EML2: variants seen among roughly 807,000 people sequenced by gnomAD.
EML2 encodes the protein EMAP like 2.
In EML2, 59 loss-of-function variants were observed where a neutral mutation model predicts 84.7. That is an observed-to-expected ratio of 0.70 (90% CI 0.56 to 0.86). The LOEUF is 0.86. Among genes scored for constraint, EML2 ranks in the 40% least tolerant of loss-of-function variants. The pLI is 0.00. For synonymous variants in EML2, 352 were observed against 348.9 expected (o/e 1.01, Z -0.10); for missense variants, 818 against 855.6 (o/e 0.96, Z 0.55).
intron 7 of EML2, among the ~76,000 whole-genome samples, chr19:45,629,742 G>A (rs1972803177): frequency 1.3e-5 from 2 of 151,692 alleles, no homozygotes; most frequent in African/African-American, 4.8e-5. Flanking sequence ...TTACAGGTGT[G>A]AGCCACCTTG....
At chr19:45,645,580 GCGCCCGGA>G (rs2122867172), upstream of EML2, 12 of 823,500 alleles carry the variant, frequency 1.5e-5, no homozygotes, top group Middle Eastern at 3.7e-4. Context: ...AGGATTGGCT[GCGCCCGGA>G]TCCCCCTAGG....
chr19:45,639,187 C>T, intron 1 of EML2, 170 bp downstream of exon 1: 2 of 776,300 alleles, frequency 2.6e-6, no homozygotes, highest in South Asian at 4.5e-5. Flanking sequence ...CGCCCCCCAC[C>T]CGCAGTTCCC....
At chr19:45,624,433 T>C (rs1473012724) in intron 9 of EML2, among the ~76,000 whole-genome samples, 1 of 152,108 alleles carries the variant, frequency 6.6e-6, no homozygotes, top group Non-Finnish European at 1.5e-5. Flanking sequence ...CCGTCCTTCC[T>C]TCCATCCACC....
chr19:45,643,942 G>A (rs1974831448), upstream of EML2, among the ~76,000 whole-genome samples: 1 of 152,212 alleles, frequency 6.6e-6, no homozygotes, highest in South Asian at 2.1e-4. Flanking sequence ...TTTGCAGACG[G>A]GAAACTAAGG....
At chr19:45,626,915 GC>G in intron 7 of EML2, 76 bp from the exon 8 acceptor site, 1 of 1,409,724 alleles carries the variant, frequency 7.1e-7, no homozygotes, top group Non-Finnish European at 9.6e-7. Context: ...TCACAGGACT[GC>G]CCTAAACGGC....
chr19:45,627,878 A>G (rs935442754), intron 7 of EML2, among the ~76,000 whole-genome samples: 12 of 151,904 alleles, frequency 7.9e-5, no homozygotes, highest in African/African-American at 2.9e-4. Flanking sequence ...CCTAACCAAC[A>G]TGGAGAAACT....
intron 16 of EML2, among the ~76,000 whole-genome samples, 197 bp downstream of exon 16, chr19:45,615,605 C>T (rs547638471): frequency 6.3e-4 from 95 of 151,456 alleles, no homozygotes; most frequent in East Asian, 3.9e-4. Context: ...CCCATCCGAC[C>T]GGAAAGGGGA....
intron 1 of EML2, 179 bp downstream of exon 1, chr19:45,639,178 G>A: frequency 1.4e-6 from 1 of 716,812 alleles, no homozygotes; most frequent in Non-Finnish European, 2.2e-6. Flanking sequence ...GCTCCCCAGC[G>A]CCCCCCACCC....
chr19:45,637,928 C>T (rs1015625021), intron 3 of EML2, among the ~76,000 whole-genome samples: 13 of 152,070 alleles, frequency 8.5e-5, no homozygotes, highest in Non-Finnish European at 5.9e-5. Context: ...CTGCCCACCT[C>T]GGCCTCCCAA....
At chr19:45,616,261 A>G (rs966016799) in intron 15 of EML2, 200 bp downstream of exon 15, 4 of 550,580 alleles carry the variant, frequency 7.3e-6, no homozygotes, top group South Asian at 4.5e-5. Context: ...TGGGCTTAGC[A>G]CGTGGGGGCG....
At chr19:45,631,884 ATTTT>A (rs755529171) in intron 6 of EML2, among the ~76,000 whole-genome samples, 8 of 90,318 alleles carry the variant, frequency 8.9e-5, no homozygotes, top group South Asian at 4.1e-4. Flanking sequence ...GCTAATTAGA[ATTTT>A]TTTTTTTTTT....
intron 6 of EML2, chr19:45,632,633 C>A (rs1163488992): frequency 3.8e-6 from 2 of 531,622 alleles, no homozygotes; most frequent in Non-Finnish European, 6.8e-6. Flanking sequence ...TGGGCAAGGA[C>A]CAGCTGGGCC....
In EML2 at chr19:45,617,845, A is replaced by G. The variant is rs114514888; in HGVS notation, c.1255-148T>C. On this transcript the variant is annotated intron_variant, in intron 12 of 18. Transcript: ENST00000245925. ...TTGGGACACCCCCACCCCAGACACC[A>G]TGGCAGCCATTCCTCTTTACATTTC... 1,119 of 598,948 alleles carry G rather than the reference A, an allele frequency of 1.9e-3. 11 individuals are homozygous for G. The African/African-American group carries it at 0.019, about 10-fold the overall frequency. 37.1% of individuals were successfully genotyped at this position (598,948 alleles called of 1,614,324 possible).
At chr19:45,623,802 C>T (rs1325618427) in intron 9 of EML2, among the ~76,000 whole-genome samples, 7 of 152,248 alleles carry the variant, frequency 4.6e-5, no homozygotes, top group East Asian at 3.9e-4. Flanking sequence ...CTGCCTGCCT[C>T]GGCTTCCCAA....
At chr19:45,639,212 G>C (rs948900603) in intron 1 of EML2, 145 bp downstream of exon 1, 22 of 936,328 alleles carry the variant, frequency 2.3e-5, no homozygotes, top group Non-Finnish European at 2.6e-5. Context: ...CACACCAAAC[G>C]TCAAGCAGAG....
At chr19:45,641,622 A>G (rs955041953), upstream of EML2, 7 of 1,534,486 alleles carry the variant, frequency 4.6e-6, no homozygotes, top group African/African-American at 6.9e-5. Context: ...CTGCGGCTTG[A>G]CGCCGCCCCA....
chr19:45,619,695 C>T (rs958585503), intron 11 of EML2, among the ~76,000 whole-genome samples: 38 of 152,156 alleles, frequency 2.5e-4, no homozygotes, highest in Non-Finnish European at 5.9e-5. Context: ...TCAGTTTGAT[C>T]GCCTGTAAAA....
At chr19:45,627,310 C>A (rs546491545) in intron 7 of EML2, among the ~76,000 whole-genome samples, 1 of 140,630 alleles carries the variant, frequency 7.1e-6, no homozygotes, top group African/African-American at 2.7e-5. Flanking sequence ...GGCTGGAGTG[C>A]GGTAGCACAA....
intron 7 of EML2, 86 bp from the exon 8 acceptor site, chr19:45,626,925 G>T: frequency 1.5e-6 from 2 of 1,337,814 alleles, no homozygotes; most frequent in Non-Finnish European, 2.0e-6. Context: ...GCCCTAAACG[G>T]CTGTTTGTGT....
Sources: allele counts gnomAD v4.1 joint callset (sites outside exome capture counted in the v4.1 genomes callset), GRCh38; gene constraint gnomAD v4.1.1; transcripts MANE v1.5; gene names NCBI Gene and HGNC (gene_info 2026-07-23, HGNC 2026-07-21).